The following SH3GL2 variants were observed in gnomAD, a reference collection of about 807,000 sequenced individuals.
SH3GL2 encodes SH3 domain containing GRB2 like 2, endophilin A1, also known as endophilin-A1.
In SH3GL2, 24 loss-of-function variants were observed where a neutral mutation model predicts 46.0. The ratio of observed to expected loss-of-function variants is 0.52; its 90% CI spans 0.38 to 0.73. The LOEUF is 0.73. SH3GL2 is among the 30% of genes least tolerant of loss of function. The pLI, the probability that SH3GL2 is intolerant of heterozygous loss-of-function variation, is 0.00. For synonymous variants in SH3GL2, 196 were observed against 147.1 expected, an observed-to-expected ratio of 1.33 and a Z score of -2.40; for missense variants, 413 against 424.2, an observed-to-expected ratio of 0.97 and a Z score of 0.23.
chr9:17,619,945 C>T (rs557290174), intron 1 of SH3GL2, among the ~76,000 whole-genome samples: 1 of 152,130 alleles, frequency 6.6e-6, no homozygotes, highest in South Asian at 2.1e-4. Flanking sequence ...AAATGCTTTT[C>T]CCTTTGATTT....
intron 6 of SH3GL2, 99 bp from the exon 7 acceptor site, chr9:17,791,132 G>C: frequency 2.5e-6 from 2 of 789,732 alleles, no homozygotes; most frequent in Non-Finnish European, 4.5e-6. Flanking sequence ...ACCAGGGGCT[G>C]TGTGTTGAGG....
intron 1 of SH3GL2, among the ~76,000 whole-genome samples, chr9:17,668,151 G>T (rs75618482): frequency 0.018 from 2,750 of 152,216 alleles, 90 homozygotes; most frequent in African/African-American, 0.063. Context: ...GCTTACCAGG[G>T]TTTTTGTTTT....
At chr9:17,599,572 CTG>C (rs764446610) in intron 1 of SH3GL2, among the ~76,000 whole-genome samples, 22 of 152,250 alleles carry the variant, frequency 1.4e-4, no homozygotes, top group Non-Finnish European at 3.1e-4. Flanking sequence ...AAATTTATTG[CTG>C]TGTTAATGGT....
At chr9:17,728,565 C>T (rs1446401221) in intron 1 of SH3GL2, among the ~76,000 whole-genome samples, 1 of 151,646 alleles carries the variant, frequency 6.6e-6, no homozygotes, top group Non-Finnish European at 1.5e-5. Context: ...CCATGGTGGT[C>T]TGCTGCACCC....
intron 1 of SH3GL2, among the ~76,000 whole-genome samples, chr9:17,630,706 C>G (rs920492156): frequency 2.0e-5 from 3 of 152,206 alleles, no homozygotes; most frequent in Non-Finnish European, 2.9e-5. Flanking sequence ...TTACTGCTAC[C>G]TAACAGTTAT....
chr9:17,598,799 A>G (rs1588164188), intron 1 of SH3GL2, among the ~76,000 whole-genome samples: 1 of 152,326 alleles, frequency 6.6e-6, no homozygotes, highest in African/African-American at 2.4e-5. Flanking sequence ...CTCTTGGGGT[A>G]GTTACCATTA....
chr9:17,604,977 ATTTT>A (rs138726944), intron 1 of SH3GL2, among the ~76,000 whole-genome samples: 20 of 137,474 alleles, frequency 1.5e-4, no homozygotes, highest in Non-Finnish European at 7.9e-5. Flanking sequence ...TTCACAAGTC[ATTTT>A]TTTTTTTTTT....
At chr9:17,736,994 C>G (rs1482925667) in intron 1 of SH3GL2, among the ~76,000 whole-genome samples, 1 of 152,090 alleles carries the variant, frequency 6.6e-6, no homozygotes, top group African/African-American at 2.4e-5. Context: ...AAATGTGGCA[C>G]ATATACACCA....
Position 17,730,118 on chromosome 9 carries a change from G to T in SH3GL2, c.46-16948G>T, listed in dbSNP as rs550873581. Among the ~76,000 whole-genome samples the T allele has an allele frequency of 2.0e-5, 3 of 152,066 alleles. 1 individual carries two copies. The highest frequency in any genetic ancestry group is 7.2e-5 in the African/African-American group (3 of 41,450). ...GCATGGAATGTTTTCCCATTTGTTT[G>T]TGTCCTCTCTTATTTCCTTGAGCAG... On this transcript the variant is annotated intron_variant, in intron 1 of 8. Transcript: ENST00000380607.
At chr9:17,757,195 A>G (rs1224100264) in intron 2 of SH3GL2, among the ~76,000 whole-genome samples, 1 of 152,208 alleles carries the variant, frequency 6.6e-6, no homozygotes, top group Non-Finnish European at 1.5e-5. Context: ...AAGACCATAA[A>G]AACCCTAGAA....
At chr9:17,675,689 G>T (rs1820589684) in intron 1 of SH3GL2, among the ~76,000 whole-genome samples, 1 of 152,226 alleles carries the variant, frequency 6.6e-6, no homozygotes, top group Admixed American at 6.5e-5. Flanking sequence ...GCTCACGCCT[G>T]TAATCTCAGC....
intron 1 of SH3GL2, among the ~76,000 whole-genome samples, chr9:17,611,008 T>C (rs1163819103): frequency 1.3e-5 from 2 of 152,194 alleles, no homozygotes; most frequent in Non-Finnish European, 2.9e-5. Flanking sequence ...TTAGTGAAGG[T>C]TCTTTCAATT....
intron 1 of SH3GL2, among the ~76,000 whole-genome samples, chr9:17,598,119 C>T (rs1184940648): frequency 6.6e-6 from 1 of 152,136 alleles, no homozygotes; most frequent in East Asian, 1.9e-4. Context: ...GGAGAGAGGC[C>T]ATGTTCTTTT....
chr9:17,795,551 A>C lies in SH3GL2; in HGVS notation c.867A>C (p.Gln289His). ...HTGTPKPSGVQMDQPCCRALY... is the reference protein window; with the variant it reads ...HTGTPKPSGVHMDQPCCRALY... ...TCCTGCTCTTACTCCCAGGTGTCCAAATGGATCAGCCCTGCTGCCGAGCTC... is the reference window on the plus strand; with the variant it reads ...TCCTGCTCTTACTCCCAGGTGTCCACATGGATCAGCCCTGCTGCCGAGCTC... Residue 289 changes from glutamine (Q) to histidine (H), a missense_variant, in exon 9 of 9, where the codon CAA becomes CAC. Transcript: ENST00000380607. The C allele has an allele frequency of 6.2e-7, 1 of 1,613,796 alleles. No homozygotes were observed. Among genetic ancestry groups the C allele is most frequent in the Non-Finnish European group, 8.5e-7 (1 of 1,179,756 alleles).
intron 1 of SH3GL2, among the ~76,000 whole-genome samples, chr9:17,608,639 G>C (rs1316323231): frequency 6.6e-6 from 1 of 152,170 alleles, no homozygotes; most frequent in Non-Finnish European, 1.5e-5. Flanking sequence ...ATCAGGAACA[G>C]AGCCCTGAGA....
chr9:17,681,284 A>C (rs1047992547), intron 1 of SH3GL2, among the ~76,000 whole-genome samples: 1 of 152,194 alleles, frequency 6.6e-6, no homozygotes, highest in Non-Finnish European at 1.5e-5. Context: ...TATGTGGTGG[A>C]AGACTACTAC....
At chr9:17,795,192 T>C (rs1484107896) in intron 8 of SH3GL2, among the ~76,000 whole-genome samples, 2 of 152,250 alleles carry the variant, frequency 1.3e-5, no homozygotes, top group Non-Finnish European at 2.9e-5. Flanking sequence ...TATATTCTTC[T>C]TAAGTCATTG....
chr9:17,737,133 A>C (rs932653405), intron 1 of SH3GL2, among the ~76,000 whole-genome samples: 1 of 152,084 alleles, frequency 6.6e-6, no homozygotes, highest in Admixed American at 6.6e-5. Context: ...GTTCTCACTC[A>C]TAAGTGGGAG....
chr9:17,715,409 C>G (rs1003569710), intron 1 of SH3GL2, among the ~76,000 whole-genome samples: 23 of 151,544 alleles, frequency 1.5e-4, no homozygotes, highest in African/African-American at 5.6e-4. Context: ...TTTTTTTTGT[C>G]TCTCTCCAAT....
Sources: allele counts gnomAD v4.1 joint callset (sites outside exome capture counted in the v4.1 genomes callset), GRCh38; gene constraint gnomAD v4.1.1; transcripts MANE v1.5; gene names NCBI Gene and HGNC (gene_info 2026-07-23, HGNC 2026-07-21).